MACROH2A1: variants seen among roughly 807,000 people sequenced by gnomAD.
MACROH2A1 encodes the protein core histone macro-H2A.1.
A neutral mutation model predicts 31.6 loss-of-function variants in MACROH2A1; 2 were observed. That is an observed-to-expected ratio of 0.06 (90% confidence interval 0.03 to 0.20). The LOEUF is 0.20. Ranked by LOEUF, MACROH2A1 falls within the 10% of genes least tolerant of loss-of-function variation. The pLI is 1.00. For synonymous variants in MACROH2A1, 169 were observed against 189.6 expected (o/e 0.89, Z 0.89); for missense variants, 230 against 474.0 (o/e 0.49, Z 4.78).
chr5:135,354,337 ACAGT>A (rs1761926237), intron 5 of MACROH2A1: 1 of 152,256 alleles, frequency 6.6e-6, no homozygotes, highest in East Asian at 1.9e-4. Flanking sequence ...ATTCCCAGAA[ACAGT>A]CAGATTCTCA....
intron 4 of MACROH2A1, among the ~76,000 whole-genome samples, chr5:135,364,763 T>C (rs1380609508): frequency 6.6e-6 from 1 of 152,230 alleles, no homozygotes; most frequent in African/African-American, 2.4e-5. Context: ...AAAATTTCAA[T>C]AGAAGGCCAG....
At chr5:135,357,982 TC>T (rs1344964980) in intron 5 of MACROH2A1, 2 of 985,224 alleles carry the variant, frequency 2.0e-6, no homozygotes, top group African/African-American at 3.5e-5. Context: ...GGTTTCAGTG[TC>T]ACAGATAGAA....
Position 135,334,858 on chromosome 5 carries a change from G to C in MACROH2A1, c.*118C>G. 1.2e-6 allele frequency: 1 copy of C among 852,288 alleles called. No homozygotes were observed. Among genetic ancestry groups the C allele is most frequent in the Non-Finnish European group, 1.9e-6 (1 of 533,136 alleles). 52.8% of individuals were successfully genotyped at this position (852,288 alleles called of 1,614,324 possible). A position where few individuals can be genotyped will look rare whatever the true frequency, so the allele number is the denominator to read the frequency against. On this transcript the variant is annotated 3_prime_UTR_variant, in exon 9 of 9. Coordinates refer to ENST00000511689, the MANE Select transcript of MACROH2A1 (RefSeq NM_138610.3). ...GGAAACCAAAGCCTTATTTTCCCTA[G>C]ATGAGCAAAACTGAAAATGAAAGGG...
At chr5:135,348,727 G>C (rs2149760166) in intron 6 of MACROH2A1, among the ~76,000 whole-genome samples, 1 of 152,376 alleles carries the variant, frequency 6.6e-6, no homozygotes, top group South Asian at 2.1e-4. Context: ...GAAAAGCCCT[G>C]AAGGGCTTTG....
Position 135,369,928 on chromosome 5 carries a change from G to A in MACROH2A1, c.279+108C>T, listed in dbSNP as rs1763971259. On this transcript the variant is annotated intron_variant, in intron 3 of 8. Transcript: ENST00000511689. The surrounding 1 kb of genome is among the most constrained non-coding windows in gnomAD (Gnocchi z 4.3). Reference sequence around the variant, plus strand: ...GAGAAGCTGCTAATTAATCCAAAAGGCAGTCCACACCTTTCATAACCAGCC... The same window carrying A: ...GAGAAGCTGCTAATTAATCCAAAAGACAGTCCACACCTTTCATAACCAGCC... The A allele has an allele frequency of 2.8e-6, 2 of 714,178 alleles. No homozygotes were observed. Among genetic ancestry groups the A allele is most frequent in the Non-Finnish European group, 4.7e-6 (2 of 423,390 alleles). The allele number at this position is 714,178 out of a possible 1,614,324, so 44.2% of individuals were successfully genotyped here.
chr5:135,352,702 G>A (rs1350750341), intron 6 of MACROH2A1, among the ~76,000 whole-genome samples: 1 of 152,212 alleles, frequency 6.6e-6, no homozygotes, highest in East Asian at 1.9e-4. Context: ...TTATGGAAGA[G>A]AATTCAGATG....
chr5:135,354,908 G>A (rs1761990758), intron 5 of MACROH2A1: 1 of 369,730 alleles, frequency 2.7e-6, no homozygotes, highest in Non-Finnish European at 5.3e-6. Context: ...GGTTGGTGAG[G>A]AAGGCAGGCA....
chr5:135,352,208 G>A (rs948558212), intron 6 of MACROH2A1, among the ~76,000 whole-genome samples: 6 of 152,238 alleles, frequency 3.9e-5, no homozygotes, highest in African/African-American at 1.4e-4. Flanking sequence ...AAGAGCAGCA[G>A]AGCAGCCCTG....
intron 8 of MACROH2A1, among the ~76,000 whole-genome samples, chr5:135,339,874 C>A (rs1357058161): frequency 1.3e-5 from 2 of 152,182 alleles, no homozygotes; most frequent in Non-Finnish European, 2.9e-5. Flanking sequence ...TGGGGCAGCC[C>A]CAAAGTGGCC....
Position 135,394,543 on chromosome 5 carries a change from T to G in MACROH2A1, c.-34+4519A>C, listed in dbSNP as rs1432002612. ...TGCAGACCCAGGGCCCAGCTAAAAG[T>G]GCCTCACAATCTCCCTCAGGCTGCC... On this transcript the variant is annotated intron_variant, in intron 1 of 8. Transcript: ENST00000511689. Among the ~76,000 whole-genome samples, 3 of 152,292 alleles carry G rather than the reference T, an allele frequency of 2.0e-5. No homozygotes were observed. In the East Asian group the frequency reaches 5.8e-4, roughly 29 times the overall value.
At chr5:135,340,840 G>A (rs529925874) in intron 8 of MACROH2A1, among the ~76,000 whole-genome samples, 1 of 152,314 alleles carries the variant, frequency 6.6e-6, no homozygotes, top group East Asian at 1.9e-4. Context: ...GAAAGAGAGG[G>A]CAGCTGTTTA....
chr5:135,338,015 T>C, intron 8 of MACROH2A1: 1 of 1,170,770 alleles, frequency 8.5e-7, no homozygotes, highest in Non-Finnish European at 1.1e-6. Flanking sequence ...ATGGCGGAGG[T>C]AACGGCTTTC....
At position 135,334,784 on chromosome 5, in the gene MACROH2A1, T is replaced by TATCA. The variant is rs878981065; in HGVS notation, c.*188_*191dup. On this transcript the variant is annotated 3_prime_UTR_variant, in exon 9 of 9. Coordinates refer to ENST00000511689, the MANE Select transcript of MACROH2A1 (RefSeq NM_138610.3). ...AGTGCTTAACAACAGTAATGCCAAC[T>TATCA]ATCAGTGCTAACATAAAAACATTTT... The TATCA allele has an allele frequency of 7.1e-6, 4 of 560,454 alleles. No homozygotes were observed. Among genetic ancestry groups the TATCA allele is most frequent in the South Asian group, 5.0e-5 (2 of 40,202 alleles). 34.7% of individuals were successfully genotyped at this position (560,454 alleles called of 1,614,324 possible).
chr5:135,370,209 A>G (rs1764004539), intron 2 of MACROH2A1, 67 bp from the exon 3 acceptor site: 1 of 963,880 alleles, frequency 1.0e-6, no homozygotes, highest in Non-Finnish European at 1.6e-6. Flanking sequence ...CGGTCCCCAC[A>G]TTCACAGTGC....
chr5:135,394,530 G>A (rs72804126), intron 1 of MACROH2A1, among the ~76,000 whole-genome samples: 5,938 of 152,184 alleles, frequency 0.039, 173 homozygotes, highest in Non-Finnish European at 0.06. Flanking sequence ...CAGACCCAGG[G>A]CCCAGCTAAA....
Position 135,343,503 on chromosome 5 carries a change from A to T in MACROH2A1, c.779-69T>A, listed in dbSNP as rs756773485. ...CTGCAAAGCACAAGATGCCAAACAC[A>T]GACCCACTCCCCTGCCACGGTATAT... On this transcript the variant is annotated intron_variant, in intron 7 of 8. Transcript: ENST00000511689. 2.5e-6 allele frequency: 4 copies of T among 1,591,242 alleles called. No individual in the cohort carries two copies. In the African/African-American group the frequency reaches 5.4e-5, roughly 21 times the overall value.
At chr5:135,395,614 C>T (rs935461534) in intron 1 of MACROH2A1, among the ~76,000 whole-genome samples, 5 of 152,188 alleles carry the variant, frequency 3.3e-5, no homozygotes, top group Admixed American at 6.5e-5. Flanking sequence ...TTCCCTCTTC[C>T]GTTTACTCCT....
At chr5:135,340,588 C>CA (rs1482157666) in intron 8 of MACROH2A1, among the ~76,000 whole-genome samples, 2 of 152,344 alleles carry the variant, frequency 1.3e-5, no homozygotes, top group South Asian at 2.1e-4. Context: ...AGGGAGCCAT[C>CA]ACACAGGTGT....
At chr5:135,338,075 T>C (rs1759108776) in intron 8 of MACROH2A1, 1 of 983,286 alleles carries the variant, frequency 1.0e-6, no homozygotes, top group African/African-American at 1.7e-5. Context: ...GTTAGAATGC[T>C]TGTAGCAAAA....
Sources: gnomAD v4.1 joint callset for allele counts (sites outside exome capture counted in the v4.1 genomes callset) on GRCh38, gnomAD v4.1.1 for gene constraint, Gnocchi (gnomAD v3.1) non-coding constraint, MANE v1.5 for transcripts, NCBI Gene and HGNC (gene_info 2026-07-23, HGNC 2026-07-21) for gene names.